Variants in NSMCE2 observed in about 807,000 individuals in gnomAD.
NSMCE2 encodes the protein NSE2 SUMO ligase component of SMC5/6 complex.
NSMCE2 carries 24 observed loss-of-function variants against 23.8 expected under a neutral mutation model. The observed-to-expected ratio is 1.01, with a 90% CI of 0.73 to 1.42. The LOEUF (loss-of-function observed/expected upper bound fraction) is 1.42. Ranked by LOEUF, NSMCE2 falls within the 40% of genes most tolerant of loss-of-function variation. The probability of loss-of-function intolerance (pLI) is 0.00; values close to 1 mark genes in which losing one functional copy is unlikely to be tolerated. For synonymous variants in NSMCE2, 92 were observed against 94.1 expected (o/e 0.98, Z 0.13); for missense variants, 284 against 296.5 (o/e 0.96, Z 0.31).
At chr8:125,359,190 C>T (rs998193338) in intron 7 of NSMCE2, among the ~76,000 whole-genome samples, 1 of 150,270 alleles carries the variant, frequency 6.7e-6, no homozygotes, top group Non-Finnish European at 1.5e-5. Context: ...TGGCATGAAC[C>T]CGGGAGGCGG....
intron 5 of NSMCE2, among the ~76,000 whole-genome samples, chr8:125,302,001 C>T (rs1204365926): frequency 6.6e-6 from 1 of 151,272 alleles, no homozygotes; most frequent in Non-Finnish European, 1.5e-5. Flanking sequence ...ACTCTCTTGC[C>T]CAAGCTGGAG....
intron 5 of NSMCE2, among the ~76,000 whole-genome samples, chr8:125,278,458 G>C (rs1284247037): frequency 1.3e-5 from 2 of 152,242 alleles, no homozygotes; most frequent in Non-Finnish European, 1.5e-5. Flanking sequence ...GCCATTGCCA[G>C]GTGCTGCCAG....
At chr8:125,351,724 G>A (rs1189857610) in intron 5 of NSMCE2, among the ~76,000 whole-genome samples, 5 of 151,798 alleles carry the variant, frequency 3.3e-5, no homozygotes, top group Admixed American at 2.6e-4. Flanking sequence ...AAATATTGTG[G>A]GGTTGGCCGG....
chr8:125,338,358 CA>C (rs1161217003), intron 5 of NSMCE2, among the ~76,000 whole-genome samples: 2 of 151,062 alleles, frequency 1.3e-5, no homozygotes, highest in Non-Finnish European at 2.9e-5. Context: ...GAACAGAATG[CA>C]AAAGTTTCTT....
At chr8:125,121,891 A>T (rs1819280222) in intron 3 of NSMCE2, among the ~76,000 whole-genome samples, 1 of 152,178 alleles carries the variant, frequency 6.6e-6, no homozygotes. Context: ...TTTTTTAACC[A>T]CAATAATGGA....
intron 3 of NSMCE2, among the ~76,000 whole-genome samples, chr8:125,132,612 G>A (rs1819830389): frequency 6.6e-6 from 1 of 151,900 alleles, no homozygotes; most frequent in South Asian, 2.1e-4. Context: ...TCCCACCTCA[G>A]CCTCCCAAGT....
chr8:125,217,510 ACC>A (rs1824650028), intron 5 of NSMCE2, among the ~76,000 whole-genome samples: 1 of 152,002 alleles, frequency 6.6e-6, no homozygotes, highest in African/African-American at 2.4e-5. Flanking sequence ...ACGGGCACCT[ACC>A]GCCACACATG....
At chr8:125,136,185 C>T (rs1412985002) in intron 3 of NSMCE2, among the ~76,000 whole-genome samples, 1 of 152,032 alleles carries the variant, frequency 6.6e-6, no homozygotes, top group Non-Finnish European at 1.5e-5. Context: ...AGTATTATGG[C>T]AGGTTTTTGA....
At chr8:125,331,829 G>GC (rs1291566397) in intron 5 of NSMCE2, among the ~76,000 whole-genome samples, 1 of 152,184 alleles carries the variant, frequency 6.6e-6, no homozygotes, top group Non-Finnish European at 1.5e-5. Flanking sequence ...AATTTACTTT[G>GC]CAGGGGTAAA....
At chr8:125,241,183 G>C (rs1237317382) in intron 5 of NSMCE2, among the ~76,000 whole-genome samples, 1 of 152,038 alleles carries the variant, frequency 6.6e-6, no homozygotes, top group Non-Finnish European at 1.5e-5. Flanking sequence ...ATGGCATTTC[G>C]GATTTTGTAT....
At chr8:125,138,248 T>A (rs535527680) in intron 3 of NSMCE2, among the ~76,000 whole-genome samples, 1 of 152,294 alleles carries the variant, frequency 6.6e-6, no homozygotes, top group South Asian at 2.1e-4. Context: ...TTTAGAGACC[T>A]GGTCAATCTC....
intron 5 of NSMCE2, among the ~76,000 whole-genome samples, chr8:125,347,308 T>C (rs960832314): frequency 6.6e-6 from 1 of 152,166 alleles, no homozygotes; most frequent in Non-Finnish European, 1.5e-5. Flanking sequence ...TAATCCTCAT[T>C]GTCTCAATAT....
intron 5 of NSMCE2, among the ~76,000 whole-genome samples, chr8:125,343,879 G>A (rs1014636068): frequency 2.0e-4 from 30 of 151,710 alleles, no homozygotes; most frequent in Admixed American, 3.3e-4. Flanking sequence ...GGTGGCGGGC[G>A]CCTGTAGTCC....
intron 5 of NSMCE2, among the ~76,000 whole-genome samples, chr8:125,305,019 G>A (rs1828706710): frequency 6.6e-6 from 1 of 151,868 alleles, no homozygotes; most frequent in African/African-American, 2.4e-5. Context: ...AAGAAAGAAG[G>A]AAGGAAAGAA....
intron 5 of NSMCE2, among the ~76,000 whole-genome samples, chr8:125,339,580 G>A (rs4870938): frequency 0.2 from 29,740 of 152,018 alleles, 3,112 homozygotes; most frequent in Non-Finnish European, 0.23. Context: ...TATCATAATG[G>A]ACATAATGAG....
At chr8:125,202,384 A>G (rs949403471) in intron 5 of NSMCE2, among the ~76,000 whole-genome samples, 5 of 152,236 alleles carry the variant, frequency 3.3e-5, no homozygotes, top group Non-Finnish European at 5.9e-5. Flanking sequence ...AAACTCATTT[A>G]TTTAGTCACC....
intron 7 of NSMCE2, among the ~76,000 whole-genome samples, chr8:125,363,768 T>A (rs1003277353): frequency 6.6e-6 from 1 of 151,952 alleles, no homozygotes; most frequent in African/African-American, 2.4e-5. Context: ...GGGAAAAAAA[T>A]ACAGATTTTT....
chr8:125,102,379 T>G lies in NSMCE2; in HGVS notation c.49T>G (p.Phe17Val). Residue 17 changes from phenylalanine (F) to valine (V), a missense_variant, in exon 3 of 8, where the codon TTC becomes GTC. Transcript: ENST00000287437. ...TTCAGGTTCAACTGGTTTCATCTCC[T>G]TCAGTGGTGTAGAGTCTGCTCTCTC... ...SNSGSTGFISFSGVESALSSL... is the reference protein window; with the variant it reads ...SNSGSTGFISVSGVESALSSL... 1 of 1,613,754 alleles carries G rather than the reference T, an allele frequency of 6.2e-7. No individual in the cohort carries two copies. Among genetic ancestry groups the G allele is most frequent in the Non-Finnish European group, 8.5e-7 (1 of 1,179,630 alleles).
At chr8:125,258,323 T>C (rs1826529759) in intron 5 of NSMCE2, among the ~76,000 whole-genome samples, 1 of 152,128 alleles carries the variant, frequency 6.6e-6, no homozygotes, top group South Asian at 2.1e-4. Flanking sequence ...AAGGGCTAGC[T>C]CACAAGAGGC....
Sources: allele counts gnomAD v4.1 joint callset (sites outside exome capture counted in the v4.1 genomes callset), GRCh38; gene constraint gnomAD v4.1.1; transcripts MANE v1.5; gene names NCBI Gene and HGNC (gene_info 2026-07-23, HGNC 2026-07-21).